Variants in HMBOX1 observed in about 807,000 individuals in gnomAD.
HMBOX1 encodes the protein homeobox-containing protein 1.
In HMBOX1, 14 loss-of-function variants were observed where a neutral mutation model predicts 54.5. The ratio of observed to expected loss-of-function variants is 0.26; its 90% CI spans 0.17 to 0.40. The LOEUF (loss-of-function observed/expected upper bound fraction) is 0.40, where lower values mean the gene tolerates loss of function less well. HMBOX1 is among the 10% of genes least tolerant of loss of function. The pLI, the probability that HMBOX1 is intolerant of heterozygous loss-of-function variation, is 1.00. For missense variants in HMBOX1, 332 were observed against 514.4 expected (o/e 0.65, Z 3.43); for synonymous variants, 160 against 181.0 (o/e 0.88, Z 0.93).
rs192279537 is a variant in HMBOX1 at position 28,905,866 on chromosome 8, C to T, written c.-58+15188C>T. On this transcript the variant is annotated intron_variant, in intron 1 of 9. Transcript: ENST00000287701. ...ACATTTCTTAAACTTCTTTAAAATA[C>T]TTAAACCCAGCATCTCAATTTTCAC... Among the ~76,000 whole-genome samples, 329 of 152,330 alleles carry T rather than the reference C, an allele frequency of 2.2e-3. 4 individuals carry two copies. The highest frequency in any genetic ancestry group is 7.7e-3 in the African/African-American group (321 of 41,566).
At chr8:29,012,261 A>G (rs1834320570) in intron 5 of HMBOX1, among the ~76,000 whole-genome samples, 1 of 152,200 alleles carries the variant, frequency 6.6e-6, no homozygotes, top group African/African-American at 2.4e-5. Flanking sequence ...TGGAGCTACT[A>G]TTATGTTTGG....
In HMBOX1 at chr8:28,970,682, A is replaced by C; in HGVS notation, c.500+163A>C. On this transcript the variant is annotated intron_variant, in intron 3 of 9. Transcript: ENST00000287701. This position sits in a 1 kb window ranked among gnomAD's most constrained non-coding sequence, Gnocchi z 4.3. Reference sequence around the variant, plus strand: ...CCACCTTTGGAGATGAAAGAAAGAAAGTTCAAGCTTTATGTTTTTAATTTA... The same window carrying C: ...CCACCTTTGGAGATGAAAGAAAGAACGTTCAAGCTTTATGTTTTTAATTTA... 1 of 524,286 alleles carries C rather than the reference A, an allele frequency of 1.9e-6. No homozygotes were observed. Among genetic ancestry groups the C allele is most frequent in the Non-Finnish European group, 3.3e-6 (1 of 299,800 alleles). 32.5% of individuals were successfully genotyped at this position (524,286 alleles called of 1,614,324 possible). A position where few individuals can be genotyped will look rare whatever the true frequency, so the allele number is the denominator to read the frequency against.
chr8:29,003,555 A>AATATATATATATAT (rs71222586), intron 4 of HMBOX1, among the ~76,000 whole-genome samples: 5,325 of 71,094 alleles, frequency 0.075, 524 homozygotes, highest in Admixed American at 0.11. Flanking sequence ...TTCTGTATTA[A>AATATATATATATAT]ATATATATAT....
At chr8:28,977,139 G>A (rs1828541114) in intron 3 of HMBOX1, among the ~76,000 whole-genome samples, 1 of 152,138 alleles carries the variant, frequency 6.6e-6, no homozygotes, top group South Asian at 2.1e-4. Context: ...CGTGCTGCAA[G>A]GCTGTGAATA....
intron 1 of HMBOX1, among the ~76,000 whole-genome samples, chr8:28,924,373 G>T (rs1198592130): frequency 6.6e-6 from 1 of 151,556 alleles, no homozygotes; most frequent in African/African-American, 2.4e-5. Flanking sequence ...CTCCCAAAGT[G>T]CTGGGATTAC....
intron 1 of HMBOX1, among the ~76,000 whole-genome samples, chr8:28,893,413 G>T (rs1047084065): frequency 2.6e-5 from 4 of 152,176 alleles, no homozygotes; most frequent in Non-Finnish European, 5.9e-5. Flanking sequence ...TAAAGATGTT[G>T]CCTGTATTAT....
At chr8:29,009,808 C>A in intron 5 of HMBOX1, 1 of 1,251,570 alleles carries the variant, frequency 8.0e-7, no homozygotes, top group Admixed American at 2.8e-5. Context: ...AAGATCTATT[C>A]AAGATACTAA....
intron 1 of HMBOX1, among the ~76,000 whole-genome samples, chr8:28,906,063 CAG>C (rs1814272308): frequency 6.6e-6 from 1 of 152,138 alleles, no homozygotes; most frequent in South Asian, 2.1e-4. Flanking sequence ...AGAGATTAAT[CAG>C]AGAGGTCCAG....
At chr8:28,951,123 G>A (rs780253480) in intron 1 of HMBOX1, among the ~76,000 whole-genome samples, 6 of 152,204 alleles carry the variant, frequency 3.9e-5, no homozygotes, top group East Asian at 3.9e-4. Context: ...TGCCTGTTAC[G>A]TTCCAGATAA....
At chr8:28,995,034 C>T (rs1324176897) in intron 4 of HMBOX1, among the ~76,000 whole-genome samples, 1 of 152,064 alleles carries the variant, frequency 6.6e-6, no homozygotes, top group Admixed American at 6.6e-5. Flanking sequence ...CTAGTGAAGC[C>T]ATAGCTAGAA....
At chr8:29,046,137 C>G (rs927563210) in intron 7 of HMBOX1, among the ~76,000 whole-genome samples, 1 of 152,212 alleles carries the variant, frequency 6.6e-6, no homozygotes, top group Non-Finnish European at 1.5e-5. Flanking sequence ...AGGCTACATA[C>G]AAAAGTATCA....
At chr8:29,002,708 C>T (rs1832831517) in intron 4 of HMBOX1, among the ~76,000 whole-genome samples, 1 of 151,966 alleles carries the variant, frequency 6.6e-6, no homozygotes, top group Non-Finnish European at 1.5e-5. Context: ...GTTTTCACTC[C>T]AGTTTAAAAA....
chr8:28,972,109 A>G (rs1827527266), intron 3 of HMBOX1, among the ~76,000 whole-genome samples: 1 of 152,224 alleles, frequency 6.6e-6, no homozygotes, highest in Non-Finnish European at 1.5e-5. Context: ...TCTGTGCTAA[A>G]TCAACTATTT....
At chr8:29,004,791 A>G (rs563911724) in intron 4 of HMBOX1, among the ~76,000 whole-genome samples, 3 of 152,088 alleles carry the variant, frequency 2.0e-5, no homozygotes, top group Non-Finnish European at 2.9e-5. Context: ...AAGTTAGGGA[A>G]ATTTTCTCCT....
At chr8:28,988,943 CT>C (rs1278963585) in intron 4 of HMBOX1, among the ~76,000 whole-genome samples, 2 of 151,270 alleles carry the variant, frequency 1.3e-5, no homozygotes, top group African/African-American at 4.9e-5. Flanking sequence ...CATTTTTTTT[CT>C]TTTGTGGTTC....
intron 4 of HMBOX1, among the ~76,000 whole-genome samples, chr8:29,003,494 GTGTA>G (rs1183832973): frequency 2.8e-4 from 11 of 38,830 alleles, no homozygotes; most frequent in African/African-American, 5.4e-4. Flanking sequence ...TTGTGTGTGT[GTGTA>G]TATATATATA....
chr8:29,020,506 G>A (rs991301866), intron 6 of HMBOX1, among the ~76,000 whole-genome samples: 4 of 151,966 alleles, frequency 2.6e-5, no homozygotes, highest in Non-Finnish European at 5.9e-5. Context: ...AAGATATTGA[G>A]CATTTACCCT....
At chr8:28,913,791 C>T (rs1441977623) in intron 1 of HMBOX1, among the ~76,000 whole-genome samples, 3 of 150,988 alleles carry the variant, frequency 2.0e-5, no homozygotes, top group East Asian at 1.9e-4. Context: ...CTCACTCTGT[C>T]GCCCAGGCTG....
At chr8:28,978,961 T>C (rs560299906) in intron 3 of HMBOX1, among the ~76,000 whole-genome samples, 3 of 152,262 alleles carry the variant, frequency 2.0e-5, no homozygotes, top group African/African-American at 7.2e-5. Context: ...AGGGATAATA[T>C]TTTGCTTAGT....
Sources: gnomAD v4.1 joint callset for allele counts (sites outside exome capture counted in the v4.1 genomes callset) on GRCh38, gnomAD v4.1.1 for gene constraint, Gnocchi (gnomAD v3.1) non-coding constraint, MANE v1.5 for transcripts, NCBI Gene and HGNC (gene_info 2026-07-23, HGNC 2026-07-21) for gene names.